Variants in B3GALT1 observed in about 807,000 individuals in gnomAD.
The protein encoded by B3GALT1 is UDP-Gal:betaGlcNAc beta 1,3-galactosyltransferase, polypeptide 1.
Under a neutral mutation model 23.2 loss-of-function variants are expected in B3GALT1, and 10 were observed. The ratio of observed to expected loss-of-function variants is 0.43; its 90% confidence interval spans 0.27 to 0.73. The LOEUF (loss-of-function observed/expected upper bound fraction) is 0.73, where lower values mean the gene tolerates loss of function less well. B3GALT1 is among the 30% of genes least tolerant of loss of function. The pLI, the probability that B3GALT1 is intolerant of heterozygous loss-of-function variation, is 0.21. For synonymous variants in B3GALT1, 156 were observed against 141.5 expected, an observed-to-expected ratio of 1.10 and a Z score of -0.73; for missense variants, 299 against 405.4, an observed-to-expected ratio of 0.74 and a Z score of 2.25.
intron 4 of B3GALT1, among the ~76,000 whole-genome samples, chr2:167,845,972 A>G (rs2105407320): frequency 6.6e-6 from 1 of 152,310 alleles, no homozygotes; most frequent in South Asian, 2.1e-4. Flanking sequence ...GGAAAGTGTC[A>G]CCAATAGAAT....
intron 2 of B3GALT1, among the ~76,000 whole-genome samples, chr2:167,567,694 A>G (rs1684199074): frequency 6.6e-6 from 1 of 151,680 alleles, no homozygotes; most frequent in Non-Finnish European, 1.5e-5. Context: ...CCCCCACCAG[A>G]ATGGCACAAT....
intron 1 of B3GALT1, among the ~76,000 whole-genome samples, chr2:167,474,079 A>T (rs1019429747): frequency 2.0e-5 from 3 of 152,192 alleles, no homozygotes; most frequent in African/African-American, 4.8e-5. Flanking sequence ...TAGTATTGAC[A>T]GCTGTACAGA....
chr2:167,523,214 A>G (rs1262738953), intron 2 of B3GALT1, among the ~76,000 whole-genome samples: 3 of 152,210 alleles, frequency 2.0e-5, no homozygotes, highest in Non-Finnish European at 4.4e-5. Context: ...TTTTGGAAAG[A>G]ACATCTTAAT....
intron 1 of B3GALT1, among the ~76,000 whole-genome samples, chr2:167,470,324 G>A (rs1343021773): frequency 1.3e-5 from 2 of 152,070 alleles, no homozygotes; most frequent in Admixed American, 1.3e-4. Flanking sequence ...CCTGGGTTTA[G>A]CAATTAAAAT....
At chr2:167,558,081 G>T (rs1422285218) in intron 2 of B3GALT1, 1 of 152,116 alleles carries the variant, frequency 6.6e-6, no homozygotes, top group Non-Finnish European at 1.5e-5. Flanking sequence ...ACTGAGTTCT[G>T]GTTAAAACTG....
At chr2:167,373,899 T>C (rs1228097424) in intron 1 of B3GALT1, among the ~76,000 whole-genome samples, 8 of 152,154 alleles carry the variant, frequency 5.3e-5, no homozygotes, top group Admixed American at 5.2e-4. Flanking sequence ...CATGTGTAGG[T>C]TTCTTACCTG....
rs1690312358 is a variant in B3GALT1, at chr2:167,870,045, T to A, written c.*25T>A. 1 of 1,549,378 alleles carries A rather than the reference T, an allele frequency of 6.5e-7. No homozygotes were observed. Among genetic ancestry groups the A allele is most frequent in the South Asian group, 1.2e-5 (1 of 81,266 alleles). ...GGATTTTTACCAATGTAAATATGTT[T>A]CTTTTCTTTTTTTAAGAAATGGGAC... On this transcript the variant is annotated 3_prime_UTR_variant, in exon 5 of 5. Coordinates refer to ENST00000392690, the MANE Select transcript of B3GALT1 (RefSeq NM_020981.4).
At chr2:167,410,286 G>A (rs1172365388) in intron 1 of B3GALT1, among the ~76,000 whole-genome samples, 2 of 151,950 alleles carry the variant, frequency 1.3e-5, no homozygotes, top group East Asian at 1.9e-4. Context: ...AGTGGATCAC[G>A]AGGTCAAGAG....
chr2:167,665,026 T>A (rs1369050158), intron 3 of B3GALT1, among the ~76,000 whole-genome samples: 1 of 151,906 alleles, frequency 6.6e-6, no homozygotes, highest in Non-Finnish European at 1.5e-5. Flanking sequence ...AGAGAGGGCA[T>A]CCCTGTCTTG....
chr2:167,557,623 G>A (rs950488699), intron 2 of B3GALT1, among the ~76,000 whole-genome samples: 3 of 152,190 alleles, frequency 2.0e-5, no homozygotes, highest in African/African-American at 4.8e-5. Context: ...GCCCTGGACT[G>A]TCAAAGTGGT....
chr2:167,395,244 T>C (rs964253433), intron 1 of B3GALT1, among the ~76,000 whole-genome samples: 2 of 152,030 alleles, frequency 1.3e-5, no homozygotes, highest in Non-Finnish European at 2.9e-5. Context: ...AAACCTGTGG[T>C]TACTTTATAA....
At chr2:167,623,392 GGC>G in intron 2 of B3GALT1, among the ~76,000 whole-genome samples, 1 of 152,070 alleles carries the variant, frequency 6.6e-6, no homozygotes, top group Non-Finnish European at 1.5e-5. Flanking sequence ...AAGAAAATGT[GGC>G]ACATATATAC....
At chr2:167,520,451 TGGA>T (rs1700171585) in intron 2 of B3GALT1, among the ~76,000 whole-genome samples, 1 of 152,148 alleles carries the variant, frequency 6.6e-6, no homozygotes, top group Admixed American at 6.6e-5. Context: ...ATTGTTGTGG[TGGA>T]GAAGGACTCT....
At chr2:167,691,728 A>ATTT (rs1686716255) in intron 3 of B3GALT1, among the ~76,000 whole-genome samples, 1 of 152,198 alleles carries the variant, frequency 6.6e-6, no homozygotes, top group African/African-American at 2.4e-5. Flanking sequence ...GGAAGACTAA[A>ATTT]AAATGAGATG....
chr2:167,658,478 C>A (rs1371760706), intron 3 of B3GALT1, among the ~76,000 whole-genome samples: 6 of 152,006 alleles, frequency 3.9e-5, no homozygotes, highest in Admixed American at 6.6e-5. Context: ...ATCATAATAA[C>A]AAAAGAGAAG....
chr2:167,648,021 T>TTCATGATGAA (rs1390817550), intron 3 of B3GALT1, among the ~76,000 whole-genome samples: 1 of 152,162 alleles, frequency 6.6e-6, no homozygotes, highest in African/African-American at 2.4e-5. Flanking sequence ...TCATGATGAA[T>TTCATGATGAA]TTTTCAACTC....
At chr2:167,569,062 A>G (rs1401624999) in intron 2 of B3GALT1, among the ~76,000 whole-genome samples, 2 of 151,830 alleles carry the variant, frequency 1.3e-5, no homozygotes, top group East Asian at 3.9e-4. Flanking sequence ...TGGGTTCTTT[A>G]TTCTGTTCCA....
At chr2:167,457,824 T>A (rs1361577013) in intron 1 of B3GALT1, among the ~76,000 whole-genome samples, 1 of 152,152 alleles carries the variant, frequency 6.6e-6, no homozygotes, top group East Asian at 1.9e-4. Context: ...ATTAGAAATG[T>A]GATTTTGTGG....
At chr2:167,461,010 T>C (rs1267207309) in intron 1 of B3GALT1, among the ~76,000 whole-genome samples, 2 of 152,128 alleles carry the variant, frequency 1.3e-5, no homozygotes, top group Admixed American at 6.6e-5. Context: ...AGGTCAGTGG[T>C]CGTTTAATTC....
Sources: allele counts gnomAD v4.1 joint callset (sites outside exome capture counted in the v4.1 genomes callset), GRCh38; gene constraint gnomAD v4.1.1; transcripts MANE v1.5; gene names NCBI Gene and HGNC (gene_info 2026-07-23, HGNC 2026-07-21).